The following SCHIP1 variants were observed in gnomAD, a reference collection of about 807,000 sequenced individuals.
The protein encoded by SCHIP1 is schwannomin interacting protein 1, also known as schwannomin-interacting protein 1.
Under a neutral mutation model 29.7 loss-of-function variants are expected in SCHIP1, and 8 were observed. The ratio of observed to expected loss-of-function variants is 0.27; its 90% CI spans 0.16 to 0.49. The LOEUF is 0.49. Ranked by LOEUF, SCHIP1 falls within the 20% of genes least tolerant of loss-of-function variation. The probability of loss-of-function intolerance (pLI) is 0.99; values close to 1 mark genes in which losing one functional copy is unlikely to be tolerated. For synonymous variants in SCHIP1, 76 were observed against 94.9 expected, an observed-to-expected ratio of 0.80 and a Z score of 1.16; for missense variants, 193 against 294.6, an observed-to-expected ratio of 0.66 and a Z score of 2.52.
At chr3:159,692,042 G>A in the SCHIP1 span, among the ~76,000 whole-genome samples, 6 of 99,280 alleles carry the variant, frequency 6.0e-5, no homozygotes, top group Non-Finnish European at 1.1e-4. Context: ...TTTTTTTTGA[G>A]ACGGAGTCTC....
chr3:159,503,265 GTTC>G, the SCHIP1 span, among the ~76,000 whole-genome samples: 1 of 152,078 alleles, frequency 6.6e-6, no homozygotes, highest in Non-Finnish European at 1.5e-5. Context: ...TAAACTATTT[GTTC>G]TTTTCCTTTT....
the SCHIP1 span, among the ~76,000 whole-genome samples, chr3:159,676,093 T>C: frequency 3.3e-5 from 5 of 152,160 alleles, no homozygotes; most frequent in African/African-American, 9.7e-5. Context: ...ATTGCACCCC[T>C]GCACTCCAGC....
At chr3:159,737,619 T>C in the SCHIP1 span, among the ~76,000 whole-genome samples, 3 of 152,356 alleles carry the variant, frequency 2.0e-5, no homozygotes, top group African/African-American at 7.2e-5. Flanking sequence ...TTATTTCAAC[T>C]ACAAATTTGG....
the SCHIP1 span, among the ~76,000 whole-genome samples, chr3:159,378,967 T>G: frequency 6.6e-6 from 1 of 152,242 alleles, no homozygotes; most frequent in South Asian, 2.1e-4. Flanking sequence ...GCACAAAGCT[T>G]CATCTCCCGG....
the SCHIP1 span, among the ~76,000 whole-genome samples, chr3:159,719,530 T>C: frequency 1.1e-4 from 16 of 152,014 alleles, no homozygotes; most frequent in East Asian, 1.9e-4. Flanking sequence ...CTTAAACAAA[T>C]TTACAAGAAA....
chr3:159,740,453 A>C, the SCHIP1 span, among the ~76,000 whole-genome samples: 1 of 152,178 alleles, frequency 6.6e-6, no homozygotes, highest in Non-Finnish European at 1.5e-5. Flanking sequence ...CTTCCAACTA[A>C]GCTGAGGAAA....
the SCHIP1 span, among the ~76,000 whole-genome samples, chr3:159,295,470 T>G: frequency 6.6e-6 from 1 of 152,078 alleles, no homozygotes; most frequent in African/African-American, 2.4e-5. Flanking sequence ...TAATAAGATT[T>G]GCCCATCTTA....
rs548020111 is a variant in SCHIP1 at position 159,892,195 on chromosome 3, G to A, written c.683+5G>A. 5.0e-6 allele frequency: 8 copies of A among 1,614,146 alleles called. 1 individual carries two copies. The highest frequency in any genetic ancestry group is 4.4e-5 in the South Asian group (4 of 91,048). Reference sequence around the variant, plus strand: ...GGACATTGAAGACTTGACCAGGTCAGTGTGGCTTCACTCTTGCCAAAGAAG... The same window carrying A: ...GGACATTGAAGACTTGACCAGGTCAATGTGGCTTCACTCTTGCCAAAGAAG... On this transcript the variant is annotated splice_donor_5th_base_variant and intron_variant, in intron 6 of 6. Transcript: ENST00000445224.
At chr3:159,432,286 ATGTGTG>A in the SCHIP1 span, among the ~76,000 whole-genome samples, 2,853 of 107,840 alleles carry the variant, frequency 0.026, 54 homozygotes, top group South Asian at 0.083. Flanking sequence ...AGAGTAGGTG[ATGTGTG>A]TGTGTGTGTG....
the SCHIP1 span, among the ~76,000 whole-genome samples, chr3:159,466,662 T>TA: frequency 1.3e-5 from 2 of 152,246 alleles, no homozygotes; most frequent in East Asian, 3.9e-4. Context: ...AAAGAGCTCT[T>TA]ACAATTGTAT....
chr3:159,584,137 T>C, the SCHIP1 span, among the ~76,000 whole-genome samples: 3 of 152,200 alleles, frequency 2.0e-5, no homozygotes, highest in Non-Finnish European at 4.4e-5. Flanking sequence ...CCAGGTCATT[T>C]TGGTTCTTTG....
the SCHIP1 span, among the ~76,000 whole-genome samples, chr3:159,786,726 G>A: frequency 6.6e-6 from 1 of 151,744 alleles, no homozygotes; most frequent in African/African-American, 2.4e-5. Flanking sequence ...GTGTGTGTGT[G>A]TGTGTTTTGT....
At chr3:159,391,025 T>C in the SCHIP1 span, among the ~76,000 whole-genome samples, 1 of 152,182 alleles carries the variant, frequency 6.6e-6, no homozygotes, top group Non-Finnish European at 1.5e-5. Context: ...TTTTTTTCTC[T>C]CCTTTAAATG....
chr3:159,332,443 T>C, the SCHIP1 span, among the ~76,000 whole-genome samples: 2 of 152,182 alleles, frequency 1.3e-5, no homozygotes, highest in African/African-American at 4.8e-5. Flanking sequence ...TCATGTTAAT[T>C]TTTACATTGT....
chr3:159,398,279 C>G, the SCHIP1 span, among the ~76,000 whole-genome samples: 3 of 152,104 alleles, frequency 2.0e-5, no homozygotes, highest in East Asian at 5.8e-4. Flanking sequence ...CAGAAATCAC[C>G]CGTCTTCTGC....
chr3:159,500,651 T>C, the SCHIP1 span, among the ~76,000 whole-genome samples: 1 of 151,766 alleles, frequency 6.6e-6, no homozygotes, highest in Non-Finnish European at 1.5e-5. Context: ...GAGGCAGAGC[T>C]TGCAGTGAGC....
the SCHIP1 span, among the ~76,000 whole-genome samples, chr3:159,313,985 G>C: frequency 6.6e-6 from 1 of 152,166 alleles, no homozygotes; most frequent in East Asian, 1.9e-4. Flanking sequence ...GTCATATAAG[G>C]AGCCACATGA....
chr3:159,735,673 C>A, the SCHIP1 span, among the ~76,000 whole-genome samples: 1 of 152,054 alleles, frequency 6.6e-6, no homozygotes, highest in Non-Finnish European at 1.5e-5. Flanking sequence ...GTGTATGACC[C>A]AAAAAAATTC....
At chr3:159,712,891 G>GT in the SCHIP1 span, among the ~76,000 whole-genome samples, 1 of 151,016 alleles carries the variant, frequency 6.6e-6, no homozygotes. Flanking sequence ...GCCAGGCACG[G>GT]TGGCTCATGC....
Sources: allele counts gnomAD v4.1 joint callset (sites outside exome capture counted in the v4.1 genomes callset), GRCh38; gene constraint gnomAD v4.1.1; transcripts MANE v1.5; gene names NCBI Gene and HGNC (gene_info 2026-07-23, HGNC 2026-07-21).